The following TTC39A variants were observed in gnomAD, a reference collection of about 807,000 sequenced individuals.
TTC39A encodes the protein tetratricopeptide repeat domain 39A, also known as tetratricopeptide repeat protein 39A.
TTC39A carries 46 observed loss-of-function variants against 82.3 expected under a neutral mutation model. That is an observed-to-expected ratio of 0.56 (90% CI 0.44 to 0.71). The LOEUF is 0.71. Among genes scored for constraint, TTC39A ranks in the 30% least tolerant of loss-of-function variants. TTC39A has a pLI of 0.00. For missense variants in TTC39A, 543 were observed against 712.9 expected, an observed-to-expected ratio of 0.76 and a Z score of 2.71; for synonymous variants, 254 against 275.2, an observed-to-expected ratio of 0.92 and a Z score of 0.76.
chr1:51,307,909 T>C (rs983713843), intron 6 of TTC39A, among the ~76,000 whole-genome samples: 18 of 152,172 alleles, frequency 1.2e-4, no homozygotes, highest in African/African-American at 3.6e-4. Flanking sequence ...TCCATCGCCA[T>C]GAATTCTTTT....
chr1:51,337,072 C>T (rs1306711061), intron 1 of TTC39A, among the ~76,000 whole-genome samples: 2 of 152,186 alleles, frequency 1.3e-5, no homozygotes, highest in Non-Finnish European at 1.5e-5. Flanking sequence ...CAGCACCAGG[C>T]CCATTTGACA....
intron 6 of TTC39A, among the ~76,000 whole-genome samples, chr1:51,307,828 C>A (rs1173503169): frequency 6.6e-6 from 1 of 150,734 alleles, no homozygotes; most frequent in South Asian, 2.1e-4. Flanking sequence ...AATTTAACAT[C>A]TTAACCAATT....
chr1:51,311,185 G>A, intron 5 of TTC39A, 69 bp downstream of exon 5: 1 of 1,444,088 alleles, frequency 6.9e-7, no homozygotes. Context: ...TCTAGGGGAT[G>A]GGTCATGGTT....
At position 51,316,495 on chromosome 1, in the gene TTC39A, T is replaced by C. The variant is rs79435367; in HGVS notation, c.147-3552A>G. Among the ~76,000 whole-genome samples, 1,280 of 152,260 alleles carry C rather than the reference T, an allele frequency of 8.4e-3. 22 individuals are homozygous for C. Among genetic ancestry groups the C allele is most frequent in the African/African-American group, 0.029 (1,189 of 41,544 alleles). On this transcript the variant is annotated intron_variant, in intron 2 of 17. Coordinates refer to ENST00000680483, the MANE Select transcript of TTC39A (RefSeq NM_001297663.2). ...AAGCCTGCCAACCTTCTGCTGAACC[T>C]AGCTAGGAGCCCAGCTCAGGAGCCA...
At chr1:51,315,787 C>G (rs1213300919) in intron 2 of TTC39A, among the ~76,000 whole-genome samples, 1 of 152,212 alleles carries the variant, frequency 6.6e-6, no homozygotes, top group African/African-American at 2.4e-5. Context: ...GTTCCCTCTG[C>G]CTAGAAACGC....
chr1:51,332,691 C>A (rs2148316320), upstream of TTC39A, among the ~76,000 whole-genome samples: 2 of 152,332 alleles, frequency 1.3e-5, 1 homozygote, highest in South Asian at 4.1e-4. Context: ...ACTATTTTTT[C>A]ACTGCATTAA....
At chr1:51,317,293 C>T (rs541510304) in intron 2 of TTC39A, among the ~76,000 whole-genome samples, 16 of 152,322 alleles carry the variant, frequency 1.1e-4, no homozygotes, top group African/African-American at 3.8e-4. Context: ...TGTTTTCCAG[C>T]AAGAATTGTT....
At chr1:51,344,379 C>G (rs906495274) in intron 1 of TTC39A, among the ~76,000 whole-genome samples, 4 of 152,168 alleles carry the variant, frequency 2.6e-5, no homozygotes, top group African/African-American at 9.7e-5. Context: ...GGTCCCCTCT[C>G]ACAGGAACAC....
intron 2 of TTC39A, among the ~76,000 whole-genome samples, chr1:51,320,416 C>CTTTTTTTTTTTTTTTTTT (rs57261779): frequency 5.0e-5 from 4 of 79,446 alleles, no homozygotes; most frequent in Non-Finnish European, 7.1e-5. Flanking sequence ...TTTTCTTTTT[C>CTTTTTTTTTTTTTTTTTT]TTTTTTTTTT....
At position 51,319,955 on chromosome 1, in the gene TTC39A, G is replaced by A. The variant is rs141807584; in HGVS notation, c.146+1766C>T. On this transcript the variant is annotated intron_variant, in intron 2 of 17. Transcript: ENST00000680483. ...TCCACCCACCTCAGCCTCCCAAAGT[G>A]CTGGGATTACAGGCATGAGCCACTG... Among the ~76,000 whole-genome samples, 1,012 of 152,222 alleles carry A rather than the reference G, an allele frequency of 6.6e-3. 2 individuals carry two copies. The highest frequency in any genetic ancestry group is 9.7e-3 in the Non-Finnish European group (657 of 68,012).
chr1:51,314,872 A>G (rs181153098), intron 2 of TTC39A, among the ~76,000 whole-genome samples: 11 of 152,300 alleles, frequency 7.2e-5, no homozygotes, highest in Non-Finnish European at 1.2e-4. Flanking sequence ...GGGTTTTTGC[A>G]TGGCTTAAAT....
intron 8 of TTC39A, 27 bp from the exon 9 acceptor site, chr1:51,303,219 C>G: frequency 6.5e-7 from 1 of 1,526,856 alleles, no homozygotes; most frequent in South Asian, 1.2e-5. Context: ...GTGGGTGAGG[C>G]TCCCAGAGAG....
intron 1 of TTC39A, among the ~76,000 whole-genome samples, chr1:51,327,960 G>A (rs1645773006): frequency 6.6e-6 from 1 of 152,182 alleles, no homozygotes; most frequent in South Asian, 2.1e-4. Context: ...GCCTCCCAAA[G>A]TGCTGGGATT....
chr1:51,331,471 A>T (rs1044680187), upstream of TTC39A: 2 of 1,364,522 alleles, frequency 1.5e-6, no homozygotes, highest in African/African-American at 2.9e-5. Context: ...AGGAGGGGAC[A>T]GAAGTAAGGA....
intron 1 of TTC39A, among the ~76,000 whole-genome samples, chr1:51,326,431 G>C (rs1645714768): frequency 6.6e-6 from 1 of 152,212 alleles, no homozygotes; most frequent in Non-Finnish European, 1.5e-5. Context: ...GCTCTGCAAG[G>C]CCAGCTAAAT....
chr1:51,302,207 T>C (rs778400987), intron 11 of TTC39A, 150 bp downstream of exon 11: 1 of 991,644 alleles, frequency 1.0e-6, no homozygotes, highest in South Asian at 1.4e-5. Flanking sequence ...GAAGGGCCTC[T>C]CCTGCCCCTG....
chr1:51,326,984 A>G (rs2148298940), intron 1 of TTC39A, among the ~76,000 whole-genome samples: 1 of 152,300 alleles, frequency 6.6e-6, no homozygotes, highest in African/African-American at 2.4e-5. Context: ...TCTCATTCAG[A>G]TCCCACCCAC....
At chr1:51,322,270 G>T (rs749828713) in intron 1 of TTC39A, 1 of 1,453,258 alleles carries the variant, frequency 6.9e-7, no homozygotes. Flanking sequence ...CTGGACTCTA[G>T]AATCCCTGAC....
At chr1:51,310,013 A>C (rs191410955) in intron 5 of TTC39A, among the ~76,000 whole-genome samples, 1 of 152,304 alleles carries the variant, frequency 6.6e-6, no homozygotes, top group East Asian at 1.9e-4. Flanking sequence ...CTATTTAAAA[A>C]AAAAATAGAG....
Sources: allele counts gnomAD v4.1 joint callset (sites outside exome capture counted in the v4.1 genomes callset), GRCh38; gene constraint gnomAD v4.1.1; transcripts MANE v1.5; gene names NCBI Gene and HGNC (gene_info 2026-07-23, HGNC 2026-07-21).